Variants in ZBTB20 observed in about 807,000 individuals in gnomAD.
ZBTB20 encodes the protein zinc finger and BTB domain containing 20.
ZBTB20 carries 9 observed loss-of-function variants against 56.9 expected under a neutral mutation model. The observed-to-expected ratio is 0.16, with a 90% confidence interval of 0.10 to 0.28. ZBTB20 has a LOEUF of 0.28. ZBTB20 is among the 10% of genes least tolerant of loss of function. The pLI is 1.00. For synonymous variants in ZBTB20, 417 were observed against 420.7 expected (o/e 0.99, Z 0.11); for missense variants, 655 against 1,003.0 (o/e 0.65, Z 4.69).
intron 6 of ZBTB20, among the ~76,000 whole-genome samples, chr3:114,659,021 A>ATCT (rs1220457198): frequency 6.6e-6 from 1 of 152,216 alleles, no homozygotes; most frequent in African/African-American, 2.4e-5. Context: ...CACAGTCATA[A>ATCT]TCTTCATCCA....
At chr3:114,429,403 C>T (rs962755368) in intron 7 of ZBTB20, among the ~76,000 whole-genome samples, 9 of 152,140 alleles carry the variant, frequency 5.9e-5, no homozygotes, top group African/African-American at 2.2e-4. Context: ...GTTTCTGGTA[C>T]CCCACATCTA....
intron 3 of ZBTB20, among the ~76,000 whole-genome samples, chr3:114,939,219 A>T (rs1160812076): frequency 6.8e-6 from 1 of 146,360 alleles, no homozygotes; most frequent in Non-Finnish European, 1.5e-5. Context: ...CAATCTAAAT[A>T]CCAAAATAAT....
intron 2 of ZBTB20, among the ~76,000 whole-genome samples, chr3:114,984,753 T>C (rs1388837976): frequency 6.6e-6 from 1 of 151,960 alleles, no homozygotes; most frequent in Non-Finnish European, 1.5e-5. Context: ...ATCAATTGAG[T>C]ACCTAAGAAA....
intron 6 of ZBTB20, among the ~76,000 whole-genome samples, chr3:114,620,021 A>T (rs1412921542): frequency 6.6e-6 from 1 of 152,230 alleles, no homozygotes; most frequent in Non-Finnish European, 1.5e-5. Flanking sequence ...ATGATGCATT[A>T]TAGGTAAGTC....
intron 1 of ZBTB20, among the ~76,000 whole-genome samples, chr3:115,092,198 A>C (rs531352224): frequency 1.3e-5 from 2 of 152,284 alleles, no homozygotes; most frequent in Non-Finnish European, 2.9e-5. Flanking sequence ...TGGTACAGCT[A>C]CTACGAAATC....
chr3:115,048,511 A>G (rs2081421145), intron 2 of ZBTB20, among the ~76,000 whole-genome samples: 2 of 152,316 alleles, frequency 1.3e-5, no homozygotes, highest in East Asian at 3.9e-4. Context: ...AATCATAATA[A>G]TATCTCAACA....
chr3:114,787,358 T>C (rs77205378), intron 5 of ZBTB20, among the ~76,000 whole-genome samples: 947 of 85,858 alleles, frequency 0.011, 31 homozygotes, highest in South Asian at 0.033. Flanking sequence ...TATATATATA[T>C]ATATATATAT....
At chr3:115,119,006 T>C (rs1191287700) in intron 1 of ZBTB20, among the ~76,000 whole-genome samples, 3 of 152,188 alleles carry the variant, frequency 2.0e-5, no homozygotes, top group Non-Finnish European at 4.4e-5. Context: ...CAGTATAATT[T>C]ATTTCTTTGA....
chr3:114,506,968 G>T (rs576528864), intron 6 of ZBTB20, among the ~76,000 whole-genome samples: 11 of 152,290 alleles, frequency 7.2e-5, no homozygotes, highest in Admixed American at 6.5e-5. Flanking sequence ...AACACAGCAC[G>T]ACACTCCAAT....
At chr3:114,638,130 C>T (rs1283490480) in intron 6 of ZBTB20, among the ~76,000 whole-genome samples, 1 of 152,032 alleles carries the variant, frequency 6.6e-6, no homozygotes, top group Non-Finnish European at 1.5e-5. Flanking sequence ...AGAAGGGTGG[C>T]CTAGGGATTC....
intron 1 of ZBTB20, among the ~76,000 whole-genome samples, chr3:115,107,178 G>C (rs543580558): frequency 4.0e-4 from 61 of 152,148 alleles, no homozygotes; most frequent in Non-Finnish European, 7.8e-4. Flanking sequence ...TGTAATCTCA[G>C]CACTTTGGGA....
At chr3:114,761,370 T>C (rs1030521731) in intron 5 of ZBTB20, among the ~76,000 whole-genome samples, 1 of 152,076 alleles carries the variant, frequency 6.6e-6, no homozygotes. Flanking sequence ...ATATGTTAGG[T>C]ACTATTACCA....
chr3:115,138,202 C>T (rs1189184681), intron 1 of ZBTB20, among the ~76,000 whole-genome samples: 1 of 151,986 alleles, frequency 6.6e-6, no homozygotes, highest in Non-Finnish European at 1.5e-5. Context: ...CTCTACCTTC[C>T]CAGAACTTTC....
intron 2 of ZBTB20, among the ~76,000 whole-genome samples, chr3:115,040,288 T>C (rs543939012): frequency 5.9e-4 from 90 of 152,224 alleles, no homozygotes; most frequent in African/African-American, 2.1e-3. Flanking sequence ...ACAAAGCCTA[T>C]GCTTATAATA....
At chr3:114,704,313 A>G (rs2063579785) in intron 5 of ZBTB20, among the ~76,000 whole-genome samples, 1 of 152,014 alleles carries the variant, frequency 6.6e-6, no homozygotes, top group African/African-American at 2.4e-5. Context: ...ATTTGGATCT[A>G]TATTTATCTG....
At chr3:114,731,739 A>G (rs970887133) in intron 5 of ZBTB20, among the ~76,000 whole-genome samples, 1 of 151,728 alleles carries the variant, frequency 6.6e-6, no homozygotes, top group Non-Finnish European at 1.5e-5. Context: ...ACCCGGCTGT[A>G]CCTAGATTAG....
intron 3 of ZBTB20, among the ~76,000 whole-genome samples, chr3:114,935,233 G>A (rs931019012): frequency 1.3e-5 from 2 of 152,166 alleles, no homozygotes. Flanking sequence ...GACATTTTAA[G>A]TCTTTAAGAT....
intron 5 of ZBTB20, among the ~76,000 whole-genome samples, chr3:114,731,961 A>G (rs1313487429): frequency 6.6e-6 from 1 of 152,088 alleles, no homozygotes; most frequent in Non-Finnish European, 1.5e-5. Context: ...CTGTGCCTAG[A>G]TTAGTTACTA....
chr3:115,017,475 C>T (rs2080019300), intron 2 of ZBTB20, among the ~76,000 whole-genome samples: 2 of 151,606 alleles, frequency 1.3e-5, no homozygotes, highest in South Asian at 2.1e-4. Flanking sequence ...TTTATAGATT[C>T]AATGCTATTT....
Sources: gnomAD v4.1 joint callset for allele counts (sites outside exome capture counted in the v4.1 genomes callset) on GRCh38, gnomAD v4.1.1 for gene constraint, MANE v1.5 for transcripts, NCBI Gene and HGNC (gene_info 2026-07-23, HGNC 2026-07-21) for gene names.